Variants in COG5 observed in about 807,000 individuals in gnomAD.
The protein encoded by COG5 is component of oligomeric golgi complex 5, also known as conserved oligomeric Golgi complex subunit 5.
A neutral mutation model predicts 110.4 loss-of-function variants in COG5; 86 were observed. The ratio of observed to expected loss-of-function variants is 0.78; its 90% confidence interval spans 0.65 to 0.93. The LOEUF is 0.93. COG5 is among the 40% of genes least tolerant of loss of function. COG5 has a pLI of 0.00. For missense variants in COG5, 1,077 were observed against 987.0 expected (o/e 1.09, Z -1.22); for synonymous variants, 360 against 334.6 (o/e 1.08, Z -0.83).
intron 6 of COG5, among the ~76,000 whole-genome samples, chr7:107,503,666 C>G (rs1413924394): frequency 6.6e-6 from 1 of 152,040 alleles, no homozygotes; most frequent in Non-Finnish European, 1.5e-5. Context: ...TTGTGTCATC[C>G]ACGTTTTCTT....
chr7:107,201,964 C>T lies in COG5; in HGVS notation c.*1552G>A, dbSNP rs1473053746. 2 of 152,624 alleles carry T rather than the reference C, an allele frequency of 1.3e-5. No individual in the cohort carries two copies. The highest frequency in any genetic ancestry group is 1.3e-4 in the Admixed American group (2 of 15,270). The allele number at this position is 152,624 out of a possible 1,614,324, so 9.5% of individuals were successfully genotyped here. ...AGTCTGGTCAGTGCCAAGAGGCTAC[C>T]AGAACATGGGGCAGGTGGCTGGTGT... On this transcript the variant is annotated 3_prime_UTR_variant, in exon 22 of 22. Transcript: ENST00000297135.
At chr7:107,489,083 T>C (rs1291640993) in intron 6 of COG5, among the ~76,000 whole-genome samples, 4 of 152,126 alleles carry the variant, frequency 2.6e-5, no homozygotes, top group East Asian at 1.9e-4. Context: ...ATGAAAACTA[T>C]AGAGGTGATA....
At chr7:107,541,949 A>C (rs190124646) in intron 5 of COG5, among the ~76,000 whole-genome samples, 2 of 151,860 alleles carry the variant, frequency 1.3e-5, no homozygotes, top group East Asian at 1.9e-4. Flanking sequence ...AAAAAAAAAA[A>C]AACTATAAAA....
At chr7:107,277,099 TAAAC>T (rs1287256148) in intron 14 of COG5, among the ~76,000 whole-genome samples, 6 of 152,144 alleles carry the variant, frequency 3.9e-5, no homozygotes, top group Non-Finnish European at 8.8e-5. Flanking sequence ...AGAAGTAAAA[TAAAC>T]TATTCTACAC....
chr7:107,533,286 C>A (rs981978112), intron 5 of COG5, among the ~76,000 whole-genome samples: 5 of 151,474 alleles, frequency 3.3e-5, no homozygotes, highest in Admixed American at 3.3e-4. Context: ...AACGCCTCAC[C>A]AGCAAGGGAA....
intron 6 of COG5, among the ~76,000 whole-genome samples, chr7:107,481,690 A>G (rs1342058503): frequency 6.6e-6 from 1 of 152,156 alleles, no homozygotes; most frequent in Non-Finnish European, 1.5e-5. Flanking sequence ...CTGTACTTTA[A>G]AAGTCTCACT....
At chr7:107,384,784 C>T (rs543698035) in intron 7 of COG5, among the ~76,000 whole-genome samples, 1 of 152,300 alleles carries the variant, frequency 6.6e-6, no homozygotes, top group East Asian at 1.9e-4. Flanking sequence ...GCAGAGCCCT[C>T]ACCAGAAACT....
At chr7:107,250,445 T>TAA (rs578070878) in intron 16 of COG5, among the ~76,000 whole-genome samples, 15 of 140,672 alleles carry the variant, frequency 1.1e-4, no homozygotes, top group African/African-American at 3.9e-4. Context: ...TAAAAAAAGG[T>TAA]AAAAAAAAAA....
intron 11 of COG5, among the ~76,000 whole-genome samples, chr7:107,309,462 T>C (rs1471006758): frequency 1.3e-5 from 2 of 152,172 alleles, no homozygotes; most frequent in Admixed American, 1.3e-4. Flanking sequence ...GACTATAGCA[T>C]GGAACAGAGG....
chr7:107,387,201 C>G (rs563193333), intron 7 of COG5, among the ~76,000 whole-genome samples: 1 of 152,310 alleles, frequency 6.6e-6, no homozygotes, highest in South Asian at 2.1e-4. Flanking sequence ...AAAAGAAAGG[C>G]TCTGCAGCGG....
intron 6 of COG5, among the ~76,000 whole-genome samples, chr7:107,448,914 T>C (rs1795167208): frequency 6.6e-6 from 1 of 152,126 alleles, no homozygotes; most frequent in South Asian, 2.1e-4. Flanking sequence ...GTCTATTTTA[T>C]TACTACCATA....
intron 17 of COG5, among the ~76,000 whole-genome samples, chr7:107,243,695 C>T (rs183070792): frequency 5.3e-5 from 8 of 151,660 alleles, no homozygotes; most frequent in African/African-American, 1.2e-4. Flanking sequence ...CAGAACTCTC[C>T]ATCCCAAAAC....
chr7:107,280,322 C>A (rs1006359437), intron 14 of COG5, among the ~76,000 whole-genome samples: 3 of 152,028 alleles, frequency 2.0e-5, no homozygotes, highest in Non-Finnish European at 4.4e-5. Flanking sequence ...CAAACAAAAT[C>A]TGGCCATCCA....
chr7:107,411,478 C>T (rs1792292545), intron 7 of COG5, among the ~76,000 whole-genome samples: 1 of 151,730 alleles, frequency 6.6e-6, no homozygotes, highest in African/African-American at 2.4e-5. Flanking sequence ...TTGGGGAAGC[C>T]AGAAGAGAGT....
At chr7:107,513,234 A>G (rs1208729826) in intron 6 of COG5, among the ~76,000 whole-genome samples, 8 of 152,160 alleles carry the variant, frequency 5.3e-5, no homozygotes, top group East Asian at 1.9e-4. Flanking sequence ...AAAAGTGGGC[A>G]AAGGATATGA....
intron 17 of COG5, among the ~76,000 whole-genome samples, chr7:107,244,452 GAAGAT>G (rs1320722408): frequency 1.3e-5 from 2 of 152,132 alleles, no homozygotes; most frequent in Non-Finnish European, 2.9e-5. Context: ...AAAGTTAGCA[GAAGAT>G]GAGATGTAAC....
intron 13 of COG5, among the ~76,000 whole-genome samples, chr7:107,283,211 A>C (rs1453440618): frequency 6.6e-6 from 1 of 152,192 alleles, no homozygotes; most frequent in Non-Finnish European, 1.5e-5. Context: ...AGGATAAAAA[A>C]AAGTTAACCT....
At chr7:107,336,686 C>T (rs1057239805) in intron 10 of COG5, among the ~76,000 whole-genome samples, 2 of 152,030 alleles carry the variant, frequency 1.3e-5, no homozygotes, top group East Asian at 3.9e-4. Flanking sequence ...ATTTTTAAAT[C>T]AATTTATGAG....
chr7:107,365,576 T>A (rs1459645560), intron 8 of COG5, among the ~76,000 whole-genome samples: 1 of 117,440 alleles, frequency 8.5e-6, no homozygotes, highest in African/African-American at 3.4e-5. Flanking sequence ...GGCCAGGGAA[T>A]GTTCAACATT....
Sources: allele counts gnomAD v4.1 joint callset (sites outside exome capture counted in the v4.1 genomes callset), GRCh38; gene constraint gnomAD v4.1.1; transcripts MANE v1.5; gene names NCBI Gene and HGNC (gene_info 2026-07-23, HGNC 2026-07-21).